The following CPLANE1 variants were observed in gnomAD, a reference collection of about 807,000 sequenced individuals.
CPLANE1 encodes the protein ciliogenesis and planar polarity effector 1.
CPLANE1 carries 263 observed loss-of-function variants against 362.5 expected under a neutral mutation model. The ratio of observed to expected loss-of-function variants is 0.73; its 90% confidence interval spans 0.66 to 0.80. The LOEUF (loss-of-function observed/expected upper bound fraction) is 0.80. Among genes scored for constraint, CPLANE1 ranks in the 30% least tolerant of loss-of-function variants. CPLANE1 has a pLI of 0.00. For missense variants in CPLANE1, 3,461 were observed against 3,793.4 expected (o/e 0.91, Z 2.30); for synonymous variants, 1,212 against 1,302.6 (o/e 0.93, Z 1.50).
rs375637419 is a variant in CPLANE1, at chr5:37,227,862, C to T, written c.1122-45G>A. On this transcript the variant is annotated intron_variant, in intron 9 of 52. Coordinates refer to ENST00000651892, the MANE Select transcript of CPLANE1 (RefSeq NM_001384732.1). ...ATACAAGAATCAGTAAGAGAAAGAT[C>T]TTACGGAAAACAATAATGTTTTTCA... 1.8e-4 allele frequency: 271 copies of T among 1,480,984 alleles called. 1 individual carries two copies. The highest frequency in any genetic ancestry group is 2.2e-4 in the Non-Finnish European group (248 of 1,111,762). The allele number at this position is 1,480,984 out of a possible 1,614,324, so 91.7% of individuals were successfully genotyped here.
intron 3 of CPLANE1, 53 bp from the exon 4 acceptor site, chr5:37,245,651 C>A (rs1739388475): frequency 6.8e-7 from 1 of 1,479,828 alleles, no homozygotes; most frequent in East Asian, 2.5e-5. Flanking sequence ...CCTTTAACAT[C>A]ACCCTAAGTT....
chr5:37,238,305 T>A (rs1317520143), intron 8 of CPLANE1, among the ~76,000 whole-genome samples: 1 of 151,898 alleles, frequency 6.6e-6, no homozygotes, highest in East Asian at 1.9e-4. Context: ...CCCAAGTAGC[T>A]GGGACTACAG....
chr5:37,204,233 A>C (rs1194632196), intron 18 of CPLANE1, among the ~76,000 whole-genome samples: 1 of 152,214 alleles, frequency 6.6e-6, no homozygotes, highest in East Asian at 1.9e-4. Flanking sequence ...TCCAAGCATT[A>C]TAGGTTCTCT....
In CPLANE1 at chr5:37,139,218, C is replaced by T. The variant is rs534460442; in HGVS notation, c.8663+122G>A. The T allele has an allele frequency of 3.0e-3, 2,989 of 980,776 alleles. 19 individuals carry two copies. The highest frequency in any genetic ancestry group is 0.019 in the Middle Eastern group (76 of 4,028). 60.8% of individuals were successfully genotyped at this position (980,776 alleles called of 1,614,324 possible). A position where few individuals can be genotyped will look rare whatever the true frequency, so the allele number is the denominator to read the frequency against. ...AAAAATATTCCATACCCAATGAAAA[C>T]TTATATTCCTTTAAACCACAAAGAT... On this transcript the variant is annotated intron_variant, in intron 45 of 52. Coordinates refer to ENST00000651892, the MANE Select transcript of CPLANE1 (RefSeq NM_001384732.1).
At chr5:37,142,891 C>G (rs1180718851) in intron 43 of CPLANE1, among the ~76,000 whole-genome samples, 1 of 152,174 alleles carries the variant, frequency 6.6e-6, no homozygotes, top group African/African-American at 2.4e-5. Flanking sequence ...GTTCTGTACA[C>G]TGCAATGAGG....
chr5:37,244,263 T>A lies in CPLANE1; in HGVS notation c.570+112A>T. The A allele has an allele frequency of 3.2e-6, 2 of 616,068 alleles. 1 individual carries two copies. The allele number at this position is 616,068 out of a possible 1,614,324, so 38.2% of individuals were successfully genotyped here. ...AAGAAATATAAAAATATCTTTTCCATACAAGAATTTCACAATTACTATGAA... is the reference window on the plus strand; with the variant it reads ...AAGAAATATAAAAATATCTTTTCCAAACAAGAATTTCACAATTACTATGAA... On this transcript the variant is annotated intron_variant, in intron 5 of 52. Transcript: ENST00000651892.
At chr5:37,245,932 C>T (rs1739471973) in intron 2 of CPLANE1, 87 bp from the exon 3 acceptor site, 6 of 1,257,470 alleles carry the variant, frequency 4.8e-6, no homozygotes, top group South Asian at 2.0e-5. Context: ...GAAATCAAAG[C>T]GACATTTAAG....
chr5:37,106,122 T>C (rs1757591230), downstream of CPLANE1: 1 of 152,186 alleles, frequency 6.6e-6, no homozygotes. Flanking sequence ...ATAGCAGCTA[T>C]GGAAAACAGT....
the CPLANE1 span, among the ~76,000 whole-genome samples, chr5:37,094,472 A>G: frequency 1.3e-5 from 2 of 152,244 alleles, no homozygotes; most frequent in Admixed American, 1.3e-4. Flanking sequence ...AAAGGACTAC[A>G]TCAGATAGTC....
chr5:37,187,956 T>C, intron 21 of CPLANE1, 114 bp from the exon 22 acceptor site: 1 of 595,880 alleles, frequency 1.7e-6, no homozygotes, highest in Non-Finnish European at 2.8e-6. Flanking sequence ...ATTTCATTCA[T>C]TATAAAATGA....
the CPLANE1 span, among the ~76,000 whole-genome samples, chr5:37,079,585 A>AATC: frequency 6.6e-6 from 1 of 152,144 alleles, no homozygotes; most frequent in Non-Finnish European, 1.5e-5. Context: ...TTTCCAAACC[A>AATC]ATCTTACCTA....
intron 46 of CPLANE1, among the ~76,000 whole-genome samples, chr5:37,137,620 C>A (rs185420376): frequency 1.1e-4 from 17 of 152,324 alleles, no homozygotes; most frequent in Admixed American, 9.8e-4. Context: ...TTCAGCATGG[C>A]TGGGGAGGCC....
intron 42 of CPLANE1, 51 bp downstream of exon 42, chr5:37,153,689 A>T (rs189754732): frequency 1.9e-6 from 3 of 1,548,928 alleles, no homozygotes; most frequent in Non-Finnish European, 2.6e-6. Context: ...ATCACACTAC[A>T]AATCTAATAA....
chr5:37,201,827 T>C lies in CPLANE1; in HGVS notation c.3290-19A>G. The stretch of plus-strand genomic sequence containing the variant: ...ATGGGATCTATCAAATACAAAAATT[T>C]GGTAAAATAGTTAAAGCTTGTATTA... On this transcript the variant is annotated intron_variant, in intron 18 of 52. Transcript: ENST00000651892. 1 of 1,561,240 alleles carries C rather than the reference T, an allele frequency of 6.4e-7. No individual in the cohort carries two copies. Among genetic ancestry groups the C allele is most frequent in the Non-Finnish European group, 8.8e-7 (1 of 1,142,092 alleles).
chr5:37,200,197 C>T (rs1788738201), intron 19 of CPLANE1, among the ~76,000 whole-genome samples: 1 of 152,116 alleles, frequency 6.6e-6, no homozygotes, highest in African/African-American at 2.4e-5. Context: ...TTGTTTAAAC[C>T]ATTTTGACCA....
At chr5:37,150,768 G>T (rs1000420229) in intron 42 of CPLANE1, among the ~76,000 whole-genome samples, 4 of 152,202 alleles carry the variant, frequency 2.6e-5, no homozygotes, top group African/African-American at 9.7e-5. Context: ...ACCTGGTATA[G>T]AGCTAGCAGC....
At chr5:37,142,262 A>C in intron 44 of CPLANE1, 48 bp downstream of exon 44, 1 of 1,416,406 alleles carries the variant, frequency 7.1e-7, no homozygotes. Context: ...CAGTAACATT[A>C]TAATGGAGAA....
chr5:37,136,585 C>G (rs1033586743), intron 46 of CPLANE1, among the ~76,000 whole-genome samples: 2 of 152,242 alleles, frequency 1.3e-5, no homozygotes, highest in African/African-American at 2.4e-5. Flanking sequence ...TGTGTGGGGG[C>G]TCCAACCCCA....
intron 42 of CPLANE1, among the ~76,000 whole-genome samples, chr5:37,149,374 T>C (rs1453511020): frequency 6.6e-6 from 1 of 152,184 alleles, no homozygotes; most frequent in East Asian, 1.9e-4. Flanking sequence ...ACTTATAATA[T>C]CTAATACAAT....
Sources: gnomAD v4.1 joint callset for allele counts (sites outside exome capture counted in the v4.1 genomes callset) on GRCh38, gnomAD v4.1.1 for gene constraint, MANE v1.5 for transcripts, NCBI Gene and HGNC (gene_info 2026-07-23, HGNC 2026-07-21) for gene names.